The following MYO5B variants were observed in gnomAD, a reference collection of about 807,000 sequenced individuals.
MYO5B encodes the protein myosin VB, also known as unconventional myosin-Vb.
A neutral mutation model predicts 229.3 loss-of-function variants in MYO5B; 143 were observed. That is an observed-to-expected ratio of 0.62 (90% confidence interval 0.54 to 0.72). The LOEUF (loss-of-function observed/expected upper bound fraction) is 0.72. MYO5B is among the 30% of genes least tolerant of loss of function. The pLI is 0.00. For missense variants in MYO5B, 2,321 were observed against 2,331.0 expected, an observed-to-expected ratio of 1.00 and a Z score of 0.09; for synonymous variants, 918 against 885.2, an observed-to-expected ratio of 1.04 and a Z score of -0.66.
chr18:49,842,599 C>T (rs1360252170), intron 34 of MYO5B, among the ~76,000 whole-genome samples: 1 of 152,250 alleles, frequency 6.6e-6, no homozygotes, highest in Admixed American at 6.5e-5. Context: ...AATCTCACCT[C>T]CCCCACTGCC....
intron 22 of MYO5B, among the ~76,000 whole-genome samples, chr18:49,888,421 G>A (rs1442862261): frequency 6.6e-6 from 1 of 152,172 alleles, no homozygotes; most frequent in Non-Finnish European, 1.5e-5. Context: ...AGAGGTGGGG[G>A]TCATCTGGAT....
intron 35 of MYO5B, among the ~76,000 whole-genome samples, 164 bp downstream of exon 35, chr18:49,841,201 C>T (rs555697750): frequency 2.0e-4 from 31 of 152,280 alleles, no homozygotes; most frequent in Non-Finnish European, 4.1e-4. Flanking sequence ...TGTGGCTGGC[C>T]TTATTGCTGC....
intron 10 of MYO5B, among the ~76,000 whole-genome samples, chr18:49,973,882 C>G (rs1215547148): frequency 6.6e-6 from 1 of 152,210 alleles, no homozygotes; most frequent in Admixed American, 6.5e-5. Flanking sequence ...CAAATCTGCA[C>G]AGCCCTGGAC....
intron 4 of MYO5B, among the ~76,000 whole-genome samples, chr18:50,026,469 A>G (rs1312620482): frequency 2.0e-5 from 3 of 152,246 alleles, no homozygotes; most frequent in Non-Finnish European, 4.4e-5. Context: ...TTTCCTCTAG[A>G]CAAATTGAAA....
At chr18:49,949,320 C>G (rs2025407807) in intron 14 of MYO5B, among the ~76,000 whole-genome samples, 1 of 124,260 alleles carries the variant, frequency 8.0e-6, no homozygotes, top group East Asian at 2.1e-4. Flanking sequence ...TAAATAAAAA[C>G]TGGAAAACTG....
intron 4 of MYO5B, among the ~76,000 whole-genome samples, chr18:50,020,785 G>A (rs1206916199): frequency 6.6e-6 from 1 of 152,242 alleles, no homozygotes; most frequent in African/African-American, 2.4e-5. Context: ...TTCTCTACCA[G>A]AAAATATATG....
intron 27 of MYO5B, among the ~76,000 whole-genome samples, chr18:49,867,677 T>A (rs752660424): frequency 7.2e-5 from 11 of 152,188 alleles, no homozygotes; most frequent in Non-Finnish European, 1.5e-4. Context: ...TCACACGGGA[T>A]GAGCGTTACC....
chr18:49,849,494 A>C, intron 32 of MYO5B, 73 bp downstream of exon 32: 1 of 1,050,406 alleles, frequency 9.5e-7, no homozygotes, highest in South Asian at 1.2e-5. Context: ...GAGGGCAGGC[A>C]GACAGCTCAC....
At chr18:50,172,980 T>C (rs1310208838) in intron 1 of MYO5B, among the ~76,000 whole-genome samples, 2 of 152,142 alleles carry the variant, frequency 1.3e-5, no homozygotes, top group East Asian at 1.9e-4. Flanking sequence ...GAAGCCAGTG[T>C]GGGCCAGGCG....
chr18:49,905,802 C>T (rs983989986), intron 19 of MYO5B, among the ~76,000 whole-genome samples: 1 of 152,186 alleles, frequency 6.6e-6, no homozygotes, highest in Non-Finnish European at 1.5e-5. Context: ...TGCTGTAGTG[C>T]CTCATCAGCC....
chr18:49,842,530 G>A (rs1181140187), intron 34 of MYO5B, among the ~76,000 whole-genome samples: 4 of 152,310 alleles, frequency 2.6e-5, no homozygotes, highest in Admixed American at 1.3e-4. Flanking sequence ...AATAATACTC[G>A]GGGCACAGGC....
In MYO5B at chr18:49,853,618, C is replaced by A. The variant is rs766614342; in HGVS notation, c.4052G>T (p.Ser1351Ile). 5 of 1,613,748 alleles carry A rather than the reference C, an allele frequency of 3.1e-6. No homozygotes were observed. The highest frequency in any genetic ancestry group is 4.2e-6 in the Non-Finnish European group (5 of 1,180,010). The change falls in exon 31 of 40, where the codon AGC (serine) becomes ATC (isoleucine). Residue 1351 changes from serine to isoleucine, a missense_variant. Ser to Ile is a moderately radical substitution (Grantham distance 142). This residue lies in a region of MYO5B where 2,113 missense variants were observed against 2,044.7 expected (regional missense o/e 1.03). Transcript: ENST00000285039. ...RLLEAQLQAQ[S>I]LEHEEEVEHL... ...CTCCACCTCCTCCTCATGCTCCAGGCTCTGGGCCTGCAGCTGAGCCTCCAG... is the reference window on the plus strand; with the variant it reads ...CTCCACCTCCTCCTCATGCTCCAGGATCTGGGCCTGCAGCTGAGCCTCCAG...
intron 4 of MYO5B, among the ~76,000 whole-genome samples, chr18:50,011,596 G>A (rs2026161358): frequency 6.6e-6 from 1 of 152,038 alleles, no homozygotes; most frequent in Non-Finnish European, 1.5e-5. Flanking sequence ...CAATGAGCAG[G>A]GAATCTGGGA....
intron 4 of MYO5B, among the ~76,000 whole-genome samples, chr18:50,033,027 C>G (rs1014286910): frequency 6.6e-6 from 1 of 151,994 alleles, no homozygotes; most frequent in African/African-American, 2.4e-5. Context: ...GGGTGCATAC[C>G]TAAGAATGGA....
rs3744844 is a variant in MYO5B at position 49,936,589 on chromosome 18, C to G, written c.1906-240G>C. 0.15 allele frequency among the ~76,000 whole-genome samples: 23,462 copies of G among 151,988 alleles called. 2,216 individuals carry two copies. Among genetic ancestry groups the G allele is most frequent in the Middle Eastern group, 0.27 (78 of 294 alleles). ...GAATTACATGGGGGACAGACTACCCCCTAATGTGCCTAACTCCCAGTGCTG... is the reference window on the plus strand; with the variant it reads ...GAATTACATGGGGGACAGACTACCCGCTAATGTGCCTAACTCCCAGTGCTG... On this transcript the variant is annotated intron_variant, in intron 15 of 39. Transcript: ENST00000285039.
At position 49,839,280 on chromosome 18, in the gene MYO5B, C is replaced by G; in HGVS notation, c.4716G>C (p.Gln1572His). The change falls in exon 36 of 40, where the codon CAG (glutamine) becomes CAC (histidine). Residue 1572 changes from glutamine to histidine, a missense_variant. Around this residue, in one of 2 missense-constraint regions of MYO5B, gnomAD observed 2,113 missense variants for 2,044.7 expected, o/e 1.03. Coordinates refer to ENST00000285039, the MANE Select transcript of MYO5B (RefSeq NM_001080467.3). ...QYSGDEGFMT[Q>H]NTAKQNEHCL... ...AGTGTTCATTCTGCTTTGCAGTGTT[C>G]TGAGTCATGAAGCCCTGCAGAGGGA... 1 of 1,613,986 alleles carries G rather than the reference C, an allele frequency of 6.2e-7. No individual in the cohort carries two copies. The highest frequency in any genetic ancestry group is 2.2e-5 in the East Asian group (1 of 44,888).
At chr18:50,004,757 T>G (rs556270449) in intron 4 of MYO5B, among the ~76,000 whole-genome samples, 4 of 152,160 alleles carry the variant, frequency 2.6e-5, no homozygotes, top group African/African-American at 9.6e-5. Context: ...ATCTCAACTC[T>G]TAAAAAAAAT....
intron 4 of MYO5B, among the ~76,000 whole-genome samples, chr18:50,007,320 C>T (rs1406824425): frequency 6.6e-6 from 1 of 152,166 alleles, no homozygotes; most frequent in Non-Finnish European, 1.5e-5. Flanking sequence ...TTAGCACATC[C>T]TATTGAACTT....
intron 1 of MYO5B, among the ~76,000 whole-genome samples, chr18:50,137,454 C>A (rs2032353245): frequency 6.6e-6 from 1 of 152,180 alleles, no homozygotes; most frequent in South Asian, 2.1e-4. Flanking sequence ...GTCCTGCCAA[C>A]CTCTAGGCTC....
Sources: allele counts gnomAD v4.1 joint callset (sites outside exome capture counted in the v4.1 genomes callset), GRCh38; gene constraint gnomAD v4.1.1; regional missense constraint gnomAD v4.1.1; transcripts MANE v1.5; gene names NCBI Gene and HGNC (gene_info 2026-07-23, HGNC 2026-07-21).